SKIC8: variants seen among roughly 807,000 people sequenced by gnomAD.
SKIC8 encodes the protein superkiller complex protein 8.
chr15:78,297,976 C>T, the SKIC8 span, among the ~76,000 whole-genome samples: 2 of 152,340 alleles, frequency 1.3e-5, no homozygotes, highest in Non-Finnish European at 2.9e-5. Context: ...TGGTATCAAA[C>T]TCCTGGCCTC....
At chr15:78,294,751 T>A in the SKIC8 span, 2 of 564,506 alleles carry the variant, frequency 3.5e-6, no homozygotes, top group Non-Finnish European at 5.9e-6. Context: ...TTTTTTTTTT[T>A]AGCTGGTTGT....
chr15:78,293,863 C>A, the SKIC8 span, among the ~76,000 whole-genome samples: 1 of 152,070 alleles, frequency 6.6e-6, no homozygotes, highest in East Asian at 1.9e-4. Context: ...TGCTAGGATT[C>A]AAATCCAATC....
the SKIC8 span, chr15:78,295,806 A>G: frequency 8.3e-7 from 1 of 1,202,406 alleles, no homozygotes; most frequent in African/African-American, 1.5e-5. Context: ...TGACCAAGAA[A>G]ATAAGGCAAC....
chr15:78,299,481 A>T, the SKIC8 span: 1 of 152,820 alleles, frequency 6.5e-6, no homozygotes, highest in Non-Finnish European at 1.5e-5. Context: ...CTCGGGCCCA[A>T]CCTCGCTCAC....
At chr15:78,289,537 T>G in the SKIC8 span, 1 of 1,113,536 alleles carries the variant, frequency 9.0e-7, no homozygotes, top group African/African-American at 1.6e-5. Flanking sequence ...CCATTTGCCA[T>G]TTAATGGCAT....
the SKIC8 span, among the ~76,000 whole-genome samples, chr15:78,298,318 G>A: frequency 6.6e-6 from 1 of 152,168 alleles, no homozygotes; most frequent in Non-Finnish European, 1.5e-5. Flanking sequence ...ATCAATGAGT[G>A]CACATTTGAG....
the SKIC8 span, chr15:78,295,665 C>T: frequency 6.3e-7 from 1 of 1,588,022 alleles, no homozygotes; most frequent in African/African-American, 1.3e-5. Context: ...CCCTTCAACA[C>T]AGGTCTTACC....
chr15:78,288,863 G>A, the SKIC8 span: 1 of 429,376 alleles, frequency 2.3e-6, no homozygotes, highest in East Asian at 7.2e-5. Context: ...TAGCTACCCA[G>A]TCCTCCTTTC....
chr15:78,293,023 A>G, the SKIC8 span: 1 of 840,666 alleles, frequency 1.2e-6, no homozygotes, highest in African/African-American at 1.7e-5. Context: ...CAAGTGGGAA[A>G]AATAAGCTGC....
chr15:78,283,300 T>C, the SKIC8 span: 1 of 643,054 alleles, frequency 1.6e-6, no homozygotes. Flanking sequence ...AAAAGATTCA[T>C]ATTGTATCTA....
At chr15:78,293,058 T>C in the SKIC8 span, 4 of 1,002,386 alleles carry the variant, frequency 4.0e-6, no homozygotes, top group Non-Finnish European at 6.0e-6. Flanking sequence ...ATATTGCTAT[T>C]GCTTTCTTGC....
At chr15:78,287,329 G>A in the SKIC8 span, among the ~76,000 whole-genome samples, 104,819 of 151,380 alleles carry the variant, frequency 0.69, 36,402 homozygotes, top group Admixed American at 0.74. Context: ...CTCAGTTACA[G>A]TTAAAAACTG....
the SKIC8 span, chr15:78,292,971 T>TC: frequency 4.3e-6 from 4 of 932,506 alleles, no homozygotes; most frequent in Non-Finnish European, 6.3e-6. Flanking sequence ...TTAAGATTTT[T>TC]TTTTTTTAAC....
At chr15:78,294,796 T>G in the SKIC8 span, 1 of 725,496 alleles carries the variant, frequency 1.4e-6, no homozygotes, top group Non-Finnish European at 2.3e-6. Context: ...TGTTGTCTGT[T>G]TTTTAAGAGT....
the SKIC8 span, among the ~76,000 whole-genome samples, chr15:78,289,277 G>A: frequency 2.6e-5 from 4 of 152,198 alleles, no homozygotes; most frequent in Admixed American, 6.5e-5. Flanking sequence ...GCCAGACATC[G>A]TGGTGTGCAC....
the SKIC8 span, chr15:78,294,588 C>T: frequency 2.9e-5 from 7 of 239,624 alleles, no homozygotes; most frequent in South Asian, 1.4e-4. Context: ...AAAAGGCTCA[C>T]GTTCACCTCC....
At chr15:78,298,543 A>C in the SKIC8 span, among the ~76,000 whole-genome samples, 5 of 152,290 alleles carry the variant, frequency 3.3e-5, no homozygotes, top group Middle Eastern at 6.8e-3. Flanking sequence ...CACTGTTATA[A>C]TTCTATTTTA....
the SKIC8 span, chr15:78,295,534 T>C: frequency 7.2e-5 from 76 of 1,056,122 alleles, no homozygotes; most frequent in South Asian, 9.9e-4. Flanking sequence ...CTGTGGTGAC[T>C]AGGTACCCAG....
chr15:78,286,323 A>T, the SKIC8 span: 1 of 554,960 alleles, frequency 1.8e-6, no homozygotes, highest in South Asian at 2.7e-5. Flanking sequence ...AAATTTTAAT[A>T]GTAGCATTAA....
Sources: gnomAD v4.1 joint callset for allele counts (sites outside exome capture counted in the v4.1 genomes callset) on GRCh38, gnomAD v4.1.1 for gene constraint, MANE v1.5 for transcripts, NCBI Gene and HGNC (gene_info 2026-07-23, HGNC 2026-07-21) for gene names.